The following NKAIN3 variants were observed in gnomAD, a reference collection of about 807,000 sequenced individuals.
NKAIN3 encodes sodium/potassium-transporting ATPase subunit beta-1-interacting protein 3.
In NKAIN3, 25 loss-of-function variants were observed where a neutral mutation model predicts 30.2. That is an observed-to-expected ratio of 0.83 (90% CI 0.60 to 1.16). The LOEUF is 1.16. Among genes scored for constraint, NKAIN3 ranks in the 50% most tolerant of loss-of-function variants. The pLI is 0.00. For missense variants in NKAIN3, 225 were observed against 254.1 expected, an observed-to-expected ratio of 0.89 and a Z score of 0.78; for synonymous variants, 91 against 89.6, an observed-to-expected ratio of 1.02 and a Z score of -0.09.
At chr8:62,320,094 C>T (rs1367520340) in intron 1 of NKAIN3, among the ~76,000 whole-genome samples, 1 of 152,164 alleles carries the variant, frequency 6.6e-6, no homozygotes, top group African/African-American at 2.4e-5. Flanking sequence ...TAATGGCCTT[C>T]TTTGTCTCTT....
At chr8:62,446,437 AAC>A (rs1355540132) in intron 1 of NKAIN3, among the ~76,000 whole-genome samples, 2 of 152,134 alleles carry the variant, frequency 1.3e-5, no homozygotes, top group South Asian at 2.1e-4. Flanking sequence ...CCATTTTTAA[AAC>A]ACACATTTTT....
At chr8:62,897,677 G>A (rs967701025) in intron 4 of NKAIN3, among the ~76,000 whole-genome samples, 1 of 152,154 alleles carries the variant, frequency 6.6e-6, no homozygotes, top group Non-Finnish European at 1.5e-5. Flanking sequence ...GTGACTCCCA[G>A]TGGAAGGTGT....
intron 3 of NKAIN3, among the ~76,000 whole-genome samples, chr8:62,604,473 T>G (rs1811067553): frequency 6.6e-6 from 1 of 152,168 alleles, no homozygotes; most frequent in South Asian, 2.1e-4. Flanking sequence ...GGCTAGTTTT[T>G]GTCTGAAACT....
chr8:62,428,640 A>C (rs768796049), intron 1 of NKAIN3, among the ~76,000 whole-genome samples: 2 of 151,924 alleles, frequency 1.3e-5, no homozygotes, highest in Non-Finnish European at 2.9e-5. Context: ...TGTCATTTAC[A>C]TGTCTTCTTT....
At chr8:62,888,815 T>G (rs1027335700) in intron 4 of NKAIN3, among the ~76,000 whole-genome samples, 6 of 152,230 alleles carry the variant, frequency 3.9e-5, no homozygotes, top group African/African-American at 1.4e-4. Flanking sequence ...TTAGTTGTCT[T>G]GCTTCTTAGC....
At chr8:62,828,905 G>A (rs1819110377) in intron 4 of NKAIN3, among the ~76,000 whole-genome samples, 1 of 152,110 alleles carries the variant, frequency 6.6e-6, no homozygotes, top group African/African-American at 2.4e-5. Context: ...GAGGCTGTTG[G>A]AAGTAACTAT....
At chr8:62,647,228 G>A (rs1048100240) in intron 3 of NKAIN3, among the ~76,000 whole-genome samples, 2 of 152,156 alleles carry the variant, frequency 1.3e-5, no homozygotes, top group Non-Finnish European at 2.9e-5. Context: ...GTTGTTAAGA[G>A]TCTGCAAAGG....
intron 1 of NKAIN3, among the ~76,000 whole-genome samples, chr8:62,546,328 C>CTAA (rs1193791867): frequency 1.3e-5 from 2 of 152,128 alleles, no homozygotes; most frequent in African/African-American, 4.8e-5. Context: ...GGGGACAAAG[C>CTAA]TAATGCAGTA....
At chr8:62,807,407 T>C (rs1270824307) in intron 4 of NKAIN3, among the ~76,000 whole-genome samples, 2 of 152,164 alleles carry the variant, frequency 1.3e-5, no homozygotes, top group Non-Finnish European at 2.9e-5. Flanking sequence ...TTTGTGTGTC[T>C]ATTTACTATA....
intron 1 of NKAIN3, among the ~76,000 whole-genome samples, chr8:62,493,426 G>T (rs1288317772): frequency 6.6e-6 from 1 of 152,094 alleles, no homozygotes; most frequent in Non-Finnish European, 1.5e-5. Context: ...GGTTACTATA[G>T]CCCTGTAATA....
At chr8:62,912,310 C>T (rs927220954) in intron 4 of NKAIN3, among the ~76,000 whole-genome samples, 6 of 151,898 alleles carry the variant, frequency 4.0e-5, no homozygotes, top group Non-Finnish European at 5.9e-5. Context: ...GGTGAGGGAG[C>T]GATGGGTGAA....
chr8:62,998,808 CCCA>C (rs1804185931), intron 5 of NKAIN3, among the ~76,000 whole-genome samples: 1 of 152,168 alleles, frequency 6.6e-6, no homozygotes, highest in Admixed American at 6.5e-5. Flanking sequence ...GCATCACAAT[CCCA>C]CCACCTCAAA....
At chr8:62,919,294 G>A (rs1329640386) in intron 5 of NKAIN3, among the ~76,000 whole-genome samples, 3 of 125,770 alleles carry the variant, frequency 2.4e-5, no homozygotes, top group Admixed American at 1.1e-4. Context: ...GCCCAGGCTG[G>A]AGTGCAGTGG....
chr8:62,550,849 C>T (rs1340478149), intron 1 of NKAIN3, among the ~76,000 whole-genome samples: 1 of 152,132 alleles, frequency 6.6e-6, no homozygotes, highest in Admixed American at 6.5e-5. Flanking sequence ...GAGAATAATA[C>T]AAATTCCTAG....
chr8:62,701,532 A>G (rs994682701), intron 3 of NKAIN3, among the ~76,000 whole-genome samples: 3 of 152,196 alleles, frequency 2.0e-5, no homozygotes, highest in African/African-American at 7.2e-5. Flanking sequence ...GTGACTAACG[A>G]TCCCTCCTGC....
chr8:62,469,652 A>G (rs1806269650), intron 1 of NKAIN3, among the ~76,000 whole-genome samples: 1 of 152,126 alleles, frequency 6.6e-6, no homozygotes, highest in Non-Finnish European at 1.5e-5. Context: ...CTTGGTACTG[A>G]GGATATGTAA....
intron 3 of NKAIN3, among the ~76,000 whole-genome samples, chr8:62,730,608 A>G (rs899033677): frequency 6.6e-6 from 1 of 152,120 alleles, no homozygotes; most frequent in African/African-American, 2.4e-5. Context: ...TATTTTAAAA[A>G]CTGCTCACTA....
chr8:62,646,356 C>A (rs1812460370), intron 3 of NKAIN3, among the ~76,000 whole-genome samples: 1 of 152,104 alleles, frequency 6.6e-6, no homozygotes, highest in Non-Finnish European at 1.5e-5. Context: ...CAAAACAGAG[C>A]AGAGAGTTAG....
At chr8:62,414,514 C>A (rs142416914) in intron 1 of NKAIN3, among the ~76,000 whole-genome samples, 1 of 152,042 alleles carries the variant, frequency 6.6e-6, no homozygotes, top group Non-Finnish European at 1.5e-5. Flanking sequence ...CTGTTCGTGG[C>A]GTTAATGCCG....
Sources: gnomAD v4.1 joint callset for allele counts (sites outside exome capture counted in the v4.1 genomes callset) on GRCh38, gnomAD v4.1.1 for gene constraint, MANE v1.5 for transcripts, NCBI Gene and HGNC (gene_info 2026-07-23, HGNC 2026-07-21) for gene names.